The following LIPJ variants were observed in gnomAD, a reference collection of about 807,000 sequenced individuals.
LIPJ encodes the protein lipase family member J.
In LIPJ, 33 loss-of-function variants were observed where a neutral mutation model predicts 39.8. That is an observed-to-expected ratio of 0.83 (90% confidence interval 0.63 to 1.11). The LOEUF (loss-of-function observed/expected upper bound fraction) is 1.11, where lower values mean the gene tolerates loss of function less well. Among genes scored for constraint, LIPJ ranks in the 50% least tolerant of loss-of-function variants. The pLI, the probability that LIPJ is intolerant of heterozygous loss-of-function variation, is 0.00. For synonymous variants in LIPJ, 128 were observed against 139.2 expected (o/e 0.92, Z 0.57); for missense variants, 422 against 427.9 (o/e 0.99, Z 0.12).
the LIPJ span, among the ~76,000 whole-genome samples, chr10:88,619,744 A>G: frequency 6.6e-6 from 1 of 152,220 alleles, no homozygotes; most frequent in Admixed American, 6.5e-5. Context: ...ACAAACATGA[A>G]GCAAAAATGG....
chr10:88,604,314 C>G (rs1016817476), intron 9 of LIPJ, among the ~76,000 whole-genome samples: 8 of 152,160 alleles, frequency 5.3e-5, no homozygotes, highest in African/African-American at 1.7e-4. Flanking sequence ...GGCATTCACT[C>G]TGTGTGAAGT....
chr10:88,585,307 T>C (rs924189525), upstream of LIPJ, among the ~76,000 whole-genome samples: 1 of 152,212 alleles, frequency 6.6e-6, no homozygotes, highest in South Asian at 2.1e-4. Flanking sequence ...TCATTTCTAT[T>C]AATAATTTGA....
chr10:88,596,259 T>A, intron 6 of LIPJ, 21 bp from the exon 7 acceptor site: 1 of 1,305,100 alleles, frequency 7.7e-7, no homozygotes, highest in African/African-American at 1.5e-5. Flanking sequence ...GCTTACTAAT[T>A]TATATCTTAT....
chr10:88,596,356 C>T (rs1348635398), exon 7 of LIPJ: 9 of 1,561,810 alleles, frequency 5.8e-6, no homozygotes, highest in Non-Finnish European at 7.8e-6. Context: ...CAGTTTTTTC[C>T]ACAAAGTACT....
the LIPJ span, among the ~76,000 whole-genome samples, chr10:88,616,705 G>A: frequency 3.9e-5 from 6 of 151,988 alleles, no homozygotes. Flanking sequence ...TGGGTATCCC[G>A]CAACCCCTGC....
chr10:88,584,340 A>G (rs1032155133), upstream of LIPJ: 13 of 152,244 alleles, frequency 8.5e-5, no homozygotes, highest in African/African-American at 3.1e-4. Flanking sequence ...ATAATCATTT[A>G]CAACTTGTGT....
At chr10:88,582,921 G>A (rs564500309), upstream of LIPJ, 171 of 856,508 alleles carry the variant, frequency 2.0e-4, 1 homozygote, top group African/African-American at 3.0e-3. Flanking sequence ...GACGAGGCGC[G>A]CCACTCGGCG....
the LIPJ span, chr10:88,618,448 G>A: frequency 0.81 from 123,405 of 152,454 alleles, 50,733 homozygotes; most frequent in East Asian, 0.99. Flanking sequence ...AGTGTTATCT[G>A]TCAAGGCAAT....
At chr10:88,592,885 G>A (rs1349165418) in intron 4 of LIPJ, 1 of 151,608 alleles carries the variant, frequency 6.6e-6, no homozygotes, top group Non-Finnish European at 1.5e-5. Flanking sequence ...GCAACCTAAG[G>A]CCATAACTAG....
chr10:88,616,662 G>C, the LIPJ span, among the ~76,000 whole-genome samples: 4 of 152,356 alleles, frequency 2.6e-5, no homozygotes, highest in Non-Finnish European at 5.9e-5. Flanking sequence ...GGAAGACTCT[G>C]ACGGAGCACT....
At chr10:88,613,780 A>G in the LIPJ span, among the ~76,000 whole-genome samples, 2 of 46,880 alleles carry the variant, frequency 4.3e-5, no homozygotes, top group African/African-American at 2.3e-4. Flanking sequence ...GTATATATAT[A>G]TATATATATA....
At chr10:88,583,557 C>G (rs992424921), upstream of LIPJ, 1 of 1,056,042 alleles carries the variant, frequency 9.5e-7, no homozygotes, top group African/African-American at 1.7e-5. Context: ...GCAGCTTAAC[C>G]TATCTACTGC....
At chr10:88,606,776 C>T (rs756075284) in exon 11 of LIPJ, 1 of 1,613,318 alleles carries the variant, frequency 6.2e-7, no homozygotes, top group Non-Finnish European at 8.5e-7. Context: ...TAACATTTTA[C>T]ATTCTGAAAT....
chr10:88,595,037 A>G (rs1807962856), intron 6 of LIPJ, among the ~76,000 whole-genome samples: 1 of 151,790 alleles, frequency 6.6e-6, no homozygotes. Context: ...TTGGATATCT[A>G]TGTTATTTAA....
chr10:88,598,379 G>C (rs1237022357), intron 8 of LIPJ, among the ~76,000 whole-genome samples: 1 of 151,914 alleles, frequency 6.6e-6, no homozygotes, highest in Admixed American at 6.6e-5. Flanking sequence ...CATGATGCAA[G>C]AAAAAACAGA....
chr10:88,583,160 TC>T (rs1850757999), upstream of LIPJ: 7 of 1,613,950 alleles, frequency 4.3e-6, no homozygotes, highest in Non-Finnish European at 5.9e-6. Context: ...CTTCCTGTCA[TC>T]CCGGCGCCCA....
At chr10:88,598,776 T>A (rs572022505) in intron 8 of LIPJ, among the ~76,000 whole-genome samples, 1 of 151,872 alleles carries the variant, frequency 6.6e-6, no homozygotes, top group Admixed American at 6.6e-5. Context: ...TAGTGACCCA[T>A]GATGGAAGGA....
At chr10:88,614,373 C>A in the LIPJ span, among the ~76,000 whole-genome samples, 1 of 152,016 alleles carries the variant, frequency 6.6e-6, no homozygotes, top group Non-Finnish European at 1.5e-5. Flanking sequence ...GGTTGGGATT[C>A]ATTGTATTAT....
At chr10:88,587,793 G>A (rs1307960843) in intron 2 of LIPJ, among the ~76,000 whole-genome samples, 1 of 151,962 alleles carries the variant, frequency 6.6e-6, no homozygotes, top group African/African-American at 2.4e-5. Context: ...AACTCAAATT[G>A]AAGTAATAAT....
Sources: gnomAD v4.1 joint callset for allele counts (sites outside exome capture counted in the v4.1 genomes callset) on GRCh38, gnomAD v4.1.1 for gene constraint, MANE v1.5 for transcripts, NCBI Gene and HGNC (gene_info 2026-07-23, HGNC 2026-07-21) for gene names.